Variants in STX3 observed in about 807,000 individuals in gnomAD.
The protein encoded by STX3 is syntaxin-3.
A neutral mutation model predicts 40.2 loss-of-function variants in STX3; 19 were observed. The observed-to-expected ratio is 0.47, with a 90% confidence interval of 0.33 to 0.69. STX3 has a LOEUF of 0.69. STX3 is among the 30% of genes least tolerant of loss of function. The pLI, the probability that STX3 is intolerant of heterozygous loss-of-function variation, is 0.02. For missense variants in STX3, 364 were observed against 366.7 expected, an observed-to-expected ratio of 0.99 and a Z score of 0.06; for synonymous variants, 122 against 132.2, an observed-to-expected ratio of 0.92 and a Z score of 0.53.
intron 7 of STX3, 102 bp downstream of exon 7, chr11:59,793,274 G>C: frequency 1.2e-6 from 2 of 1,606,172 alleles, no homozygotes; most frequent in Non-Finnish European, 1.7e-6. Context: ...TGCAGGTGCA[G>C]GGAGTTCAGG....
In STX3 at chr11:59,804,541, T is replaced by A. The variant is rs1866007526; in HGVS notation, c.*3717T>A. 1 of 152,168 alleles carries A rather than the reference T, an allele frequency of 6.6e-6. No individual in the cohort carries two copies. Among genetic ancestry groups the A allele is most frequent in the Non-Finnish European group, 1.5e-5 (1 of 68,046 alleles). The allele number at this position is 152,168 out of a possible 1,614,324, so 9.4% of individuals were successfully genotyped here. On this transcript the variant is annotated 3_prime_UTR_variant, in exon 11 of 11. Transcript: ENST00000337979. The stretch of plus-strand genomic sequence containing the variant: ...ACTGTCAGAGGCTGTGTAAAGCCGC[T>A]TGGGAATGGGCTGATCTGCTTATGC...
chr11:59,754,785 C>A (rs371564818), upstream of STX3: 12 of 152,292 alleles, frequency 7.9e-5, no homozygotes, highest in East Asian at 2.1e-3. Context: ...TCCACTGGCA[C>A]TAACAACATC....
At chr11:59,793,251 G>T in intron 7 of STX3, 79 bp downstream of exon 7, 1 of 1,607,044 alleles carries the variant, frequency 6.2e-7, no homozygotes. Context: ...AGTCCAGCAG[G>T]TGGAGGGGGA....
chr11:59,799,921 A>C, intron 10 of STX3: 2 of 985,202 alleles, frequency 2.0e-6, no homozygotes, highest in Non-Finnish European at 2.4e-6. Flanking sequence ...ATTGAAATAG[A>C]TGTTGAAATT....
intron 5 of STX3, among the ~76,000 whole-genome samples, chr11:59,791,595 T>C (rs1270537751): frequency 6.6e-6 from 1 of 152,108 alleles, no homozygotes; most frequent in Non-Finnish European, 1.5e-5. Flanking sequence ...AACCAGTAAG[T>C]AGGGCTTGAT....
At chr11:59,786,501 C>T (rs762382086) in intron 2 of STX3, among the ~76,000 whole-genome samples, 4 of 151,536 alleles carry the variant, frequency 2.6e-5, no homozygotes, top group Admixed American at 6.6e-5. Context: ...CCATCTGCCT[C>T]GGCCTCCCAA....
In STX3 at chr11:59,764,404, T is replaced by A. The variant is rs146741249; in HGVS notation, c.30+8769T>A. Among the ~76,000 whole-genome samples, 243 of 152,312 alleles carry A rather than the reference T, an allele frequency of 1.6e-3. 1 individual carries two copies. Among genetic ancestry groups the A allele is most frequent in the African/African-American group, 5.6e-3 (233 of 41,562 alleles). On this transcript the variant is annotated intron_variant, in intron 1 of 10. Coordinates refer to ENST00000337979, the MANE Select transcript of STX3 (RefSeq NM_004177.5). Reference sequence around the variant, plus strand: ...CAGATTATTCTTGTCATGTCACAAATGAAGAAACTGAGGCACAGAGAAGTT... The same window carrying A: ...CAGATTATTCTTGTCATGTCACAAAAGAAGAAACTGAGGCACAGAGAAGTT...
chr11:59,793,754 T>C (rs1565189581), intron 8 of STX3, among the ~76,000 whole-genome samples: 1 of 152,158 alleles, frequency 6.6e-6, no homozygotes, highest in Non-Finnish European at 1.5e-5. Context: ...TCGTTGCTAG[T>C]TGATACAGGG....
At chr11:59,759,972 C>G (rs1862944816) in intron 1 of STX3, among the ~76,000 whole-genome samples, 1 of 152,144 alleles carries the variant, frequency 6.6e-6, no homozygotes, top group Non-Finnish European at 1.5e-5. Context: ...TTCTGTCTTT[C>G]TCTAGTCATA....
rs1414917707 is a variant in STX3, at chr11:59,773,243, G to A, written c.63G>A (p.Ala21=). 8 of 1,613,916 alleles carry A rather than the reference G, an allele frequency of 5.0e-6. No individual in the cohort carries two copies. Among genetic ancestry groups the A allele is most frequent in the Admixed American group, 1.7e-5 (1 of 60,000 alleles). The change falls in exon 2 of 11, where the codon GCG becomes GCA. Residue 21 remains alanine, a synonymous_variant. Transcript: ENST00000337979. ...TGACACAGGATGATGATACTGATGCGGTTGAGATTGCTATCGACAACACGG... is the reference window on the plus strand; with the variant it reads ...TGACACAGGATGATGATACTGATGCAGTTGAGATTGCTATCGACAACACGG... ...KQLTQDDDTD[A]VEIAIDNTAF...
At chr11:59,773,360 A>T in intron 2 of STX3, 66 bp downstream of exon 2, 1 of 1,549,672 alleles carries the variant, frequency 6.5e-7, no homozygotes, top group Non-Finnish European at 8.9e-7. Flanking sequence ...TAGTAAGAAT[A>T]AAAAACCTTA....
intron 1 of STX3, among the ~76,000 whole-genome samples, 177 bp downstream of exon 1, chr11:59,755,812 T>C (rs1309581575): frequency 6.6e-6 from 1 of 152,116 alleles, no homozygotes; most frequent in Non-Finnish European, 1.5e-5. Flanking sequence ...TGCGGGGTCA[T>C]GTGCCCGGTG....
At chr11:59,766,268 C>A (rs117818085) in intron 1 of STX3, among the ~76,000 whole-genome samples, 1 of 152,166 alleles carries the variant, frequency 6.6e-6, no homozygotes, top group East Asian at 1.9e-4. Flanking sequence ...TAAGGAGATA[C>A]TGATGATTTA....
rs565844543 is a variant in STX3 at position 59,782,286 on chromosome 11, A to T, written c.115-4751A>T. 2.0e-5 allele frequency among the ~76,000 whole-genome samples: 3 copies of T among 152,358 alleles called. No individual in the cohort carries two copies. The East Asian group carries it at 5.8e-4, about 29-fold the overall frequency. On this transcript the variant is annotated intron_variant, in intron 2 of 10. Coordinates refer to ENST00000337979, the MANE Select transcript of STX3 (RefSeq NM_004177.5). ...TGACCTTAGATTTCCTTGGGTGGCTACTGATGAGGTCAGACTGTTTTATTA... is the reference window on the plus strand; with the variant it reads ...TGACCTTAGATTTCCTTGGGTGGCTTCTGATGAGGTCAGACTGTTTTATTA...
At position 59,773,193 on chromosome 11, in the gene STX3, C is replaced by T. The variant is rs756804379; in HGVS notation, c.31-18C>T. On this transcript the variant is annotated intron_variant, in intron 1 of 10. Transcript: ENST00000337979. ...ATTGTGTTTTTAGCCTCACTCTGCTCTTTTTTGCCTTTTGCAGAAGCAGCT... is the reference window on the plus strand; with the variant it reads ...ATTGTGTTTTTAGCCTCACTCTGCTTTTTTTTGCCTTTTGCAGAAGCAGCT... 6.2e-7 allele frequency: 1 copy of T among 1,613,524 alleles called. No individual in the cohort carries two copies. Among genetic ancestry groups the T allele is most frequent in the South Asian group, 1.1e-5 (1 of 91,012 alleles).
chr11:59,768,069 TATC>T (rs1359309757), intron 1 of STX3, among the ~76,000 whole-genome samples: 2 of 152,236 alleles, frequency 1.3e-5, no homozygotes, highest in Non-Finnish European at 1.5e-5. Flanking sequence ...TTTAAAATAT[TATC>T]ATATTGAATT....
chr11:59,771,646 C>A (rs192873804), intron 1 of STX3, among the ~76,000 whole-genome samples: 48 of 152,120 alleles, frequency 3.2e-4, no homozygotes, highest in Middle Eastern at 6.8e-3. Flanking sequence ...GCAGAACTCC[C>A]TGTGTGATAG....
At chr11:59,770,010 A>T (rs1258157974) in intron 1 of STX3, among the ~76,000 whole-genome samples, 1 of 146,618 alleles carries the variant, frequency 6.8e-6, no homozygotes, top group Non-Finnish European at 1.5e-5. Context: ...GTGTGGGTGT[A>T]TGTGTGGAGT....
intron 1 of STX3, among the ~76,000 whole-genome samples, chr11:59,767,847 G>C (rs1488224333): frequency 6.6e-6 from 1 of 152,184 alleles, no homozygotes; most frequent in South Asian, 2.1e-4. Flanking sequence ...AGTGAAAAGA[G>C]TTCAGGGACC....
Sources: allele counts gnomAD v4.1 joint callset (sites outside exome capture counted in the v4.1 genomes callset), GRCh38; gene constraint gnomAD v4.1.1; transcripts MANE v1.5; gene names NCBI Gene and HGNC (gene_info 2026-07-23, HGNC 2026-07-21).